The following ERC1 variants were observed in gnomAD, a reference collection of about 807,000 sequenced individuals.
ERC1 encodes RAB6 interacting protein 2.
ERC1 carries 56 observed loss-of-function variants against 132.0 expected under a neutral mutation model. That is an observed-to-expected ratio of 0.42 (90% confidence interval 0.34 to 0.53). ERC1 has a LOEUF of 0.53. Ranked by LOEUF, ERC1 falls within the 20% of genes least tolerant of loss-of-function variation. ERC1 has a pLI of 0.03. For synonymous variants in ERC1, 478 were observed against 476.1 expected, an observed-to-expected ratio of 1.00 and a Z score of -0.05; for missense variants, 1,202 against 1,349.9, an observed-to-expected ratio of 0.89 and a Z score of 1.72.
intron 15 of ERC1, among the ~76,000 whole-genome samples, chr12:1,300,311 T>C (rs569190172): frequency 6.6e-6 from 1 of 152,170 alleles, no homozygotes; most frequent in East Asian, 1.9e-4. Context: ...TATACAAAAA[T>C]CAACTCAAAA....
intron 15 of ERC1, among the ~76,000 whole-genome samples, chr12:1,326,261 G>A (rs1389727175): frequency 6.6e-6 from 1 of 152,126 alleles, no homozygotes; most frequent in Non-Finnish European, 1.5e-5. Context: ...ATTTAAAAAG[G>A]TAAGTCAGAA....
At chr12:1,224,251 G>C (rs1449483623) in intron 12 of ERC1, among the ~76,000 whole-genome samples, 1 of 151,986 alleles carries the variant, frequency 6.6e-6, no homozygotes, top group Non-Finnish European at 1.5e-5. Flanking sequence ...CCATGTGCAT[G>C]CACACACACA....
rs76845535 is a variant in ERC1, at chr12:1,467,278, T to G, written c.3213+22528T>G. Among the ~76,000 whole-genome samples, 1,096 of 152,290 alleles carry G rather than the reference T, an allele frequency of 7.2e-3. 12 individuals are homozygous for G. The highest frequency in any genetic ancestry group is 0.024 in the African/African-American group (1,003 of 41,558). ...CAGTGGTTCGGTTTGTTCCTTTGAA[T>G]GAGGCATCTCTCTGAGGCACTGCCT... On this transcript the variant is annotated intron_variant, in intron 18 of 18. Transcript: ENST00000360905.
chr12:1,474,597 G>A (rs1442664715), intron 18 of ERC1, among the ~76,000 whole-genome samples: 7 of 152,298 alleles, frequency 4.6e-5, no homozygotes, highest in South Asian at 2.1e-4. Flanking sequence ...TGTGCTGAGC[G>A]GTAAATGTTT....
At chr12:1,205,427 A>G (rs1222099386) in intron 12 of ERC1, among the ~76,000 whole-genome samples, 2 of 151,238 alleles carry the variant, frequency 1.3e-5, no homozygotes, top group African/African-American at 2.4e-5. Context: ...ATATATATAT[A>G]TAGATATATA....
intron 1 of ERC1, among the ~76,000 whole-genome samples, chr12:1,023,147 G>C (rs941421597): frequency 2.0e-5 from 3 of 152,186 alleles, no homozygotes. Context: ...AGGACTCTGA[G>C]GCTAGAGGCA....
At chr12:1,450,198 A>G (rs1291306324) in intron 18 of ERC1, among the ~76,000 whole-genome samples, 1 of 152,288 alleles carries the variant, frequency 6.6e-6, no homozygotes. Flanking sequence ...AAATTTTACC[A>G]TCTTAAAAAT....
intron 14 of ERC1, among the ~76,000 whole-genome samples, chr12:1,274,637 C>CAT (rs1204176584): frequency 6.6e-6 from 1 of 151,998 alleles, no homozygotes; most frequent in Admixed American, 6.6e-5. Flanking sequence ...GGATTACAGG[C>CAT]ATGCATCACC....
At chr12:1,388,889 T>C (rs2089681487) in intron 16 of ERC1, among the ~76,000 whole-genome samples, 1 of 152,212 alleles carries the variant, frequency 6.6e-6, no homozygotes, top group Non-Finnish European at 1.5e-5. Flanking sequence ...CGCTTATTTC[T>C]TGGTTACACA....
intron 15 of ERC1, among the ~76,000 whole-genome samples, chr12:1,304,664 G>A (rs1594884096): frequency 6.6e-6 from 1 of 151,422 alleles, no homozygotes; most frequent in African/African-American, 2.4e-5. Flanking sequence ...GATCTGGAGA[G>A]TCTGATAATT....
chr12:1,327,331 T>C (rs1225468601), intron 15 of ERC1, among the ~76,000 whole-genome samples: 1 of 152,210 alleles, frequency 6.6e-6, no homozygotes, highest in Admixed American at 6.5e-5. Flanking sequence ...AACGTACTTT[T>C]AGCAAAATAT....
In ERC1 at chr12:1,449,060, T is replaced by C. The variant is rs539087863; in HGVS notation, c.3213+4310T>C. Among the ~76,000 whole-genome samples the C allele has an allele frequency of 3.3e-5, 5 of 152,358 alleles. No homozygotes were observed. The East Asian group carries it at 9.6e-4, about 29-fold the overall frequency. ...TTCTGGAACTTTAAGGTTTAATGAC[T>C]GCCCTATTGGATTTCAGACTTGCCT... is the stretch of plus-strand genomic sequence containing the variant. On this transcript the variant is annotated intron_variant, in intron 18 of 18. Transcript: ENST00000360905.
At chr12:1,388,133 G>A (rs1203060535) in intron 16 of ERC1, among the ~76,000 whole-genome samples, 3 of 152,040 alleles carry the variant, frequency 2.0e-5, no homozygotes, top group East Asian at 3.9e-4. Flanking sequence ...AGGCCGAGGC[G>A]GGCGGATCAG....
intron 1 of ERC1, among the ~76,000 whole-genome samples, chr12:1,013,651 A>G (rs1180784991): frequency 2.0e-5 from 3 of 152,208 alleles, no homozygotes; most frequent in Non-Finnish European, 2.9e-5. Flanking sequence ...CAGACTTAAT[A>G]CATTTTAGTT....
rs747544281 is a variant in ERC1 at position 1,028,110 on chromosome 12, T to C, written c.207T>C (p.Ser69=). Residue 69 remains serine, a synonymous_variant, in exon 2 of 19, where the codon TCT becomes TCC. Coordinates refer to ENST00000360905, the MANE Select transcript of ERC1 (RefSeq NM_178040.4). ...CTTTAAATGCTGCCTATGCCACCTCTGGCCCTATGTATCTAAGTGACCATG... is the reference window on the plus strand; with the variant it reads ...CTTTAAATGCTGCCTATGCCACCTCCGGCCCTATGTATCTAAGTGACCATG... ...IQSLNAAYAT[S]GPMYLSDHEN... is the part of the protein sequence containing the mutation. 6.2e-7 allele frequency: 1 copy of C among 1,614,222 alleles called. No homozygotes were observed. The highest frequency in any genetic ancestry group is 1.7e-5 in the Admixed American group (1 of 60,030).
intron 8 of ERC1, among the ~76,000 whole-genome samples, chr12:1,154,730 A>G (rs992519367): frequency 1.2e-4 from 19 of 152,154 alleles, no homozygotes; most frequent in African/African-American, 4.3e-4. Flanking sequence ...AAATAATCCC[A>G]TAAAAAATGG....
chr12:1,137,535 G>A (rs978596278), intron 7 of ERC1, among the ~76,000 whole-genome samples: 25 of 151,974 alleles, frequency 1.6e-4, no homozygotes, highest in Admixed American at 3.3e-4. Flanking sequence ...AGTGAGATAG[G>A]ATTACTGAGG....
At chr12:1,475,294 A>G (rs1157366939) in intron 18 of ERC1, among the ~76,000 whole-genome samples, 2 of 152,204 alleles carry the variant, frequency 1.3e-5, no homozygotes, top group Non-Finnish European at 1.5e-5. Flanking sequence ...CAGAATTAAT[A>G]TCTATTCCTT....
intron 2 of ERC1, among the ~76,000 whole-genome samples, chr12:1,029,744 C>T (rs1350752218): frequency 4.4e-5 from 5 of 114,230 alleles, no homozygotes; most frequent in African/African-American, 3.2e-5. Context: ...GTTAAACATA[C>T]TTTTTTTTTT....
Sources: allele counts gnomAD v4.1 joint callset (sites outside exome capture counted in the v4.1 genomes callset), GRCh38; gene constraint gnomAD v4.1.1; transcripts MANE v1.5; gene names NCBI Gene and HGNC (gene_info 2026-07-23, HGNC 2026-07-21).